ADAMTSL1: variants seen among roughly 807,000 people sequenced by gnomAD.
ADAMTSL1 encodes the protein ADAMTS like 1, also known as ADAMTS-like protein 1.
Under a neutral mutation model 201.8 loss-of-function variants are expected in ADAMTSL1, and 126 were observed. The observed-to-expected ratio is 0.62, with a 90% CI of 0.54 to 0.72. The LOEUF is 0.72. ADAMTSL1 is among the 30% of genes least tolerant of loss of function. ADAMTSL1 has a pLI of 0.00. For missense variants in ADAMTSL1, 2,679 were observed against 2,277.8 expected (o/e 1.18, Z -3.59); for synonymous variants, 1,121 against 903.4 (o/e 1.24, Z -4.32).
intron 14 of ADAMTSL1, among the ~76,000 whole-genome samples, chr9:18,719,734 G>A (rs781727201): frequency 3.9e-5 from 6 of 152,130 alleles, no homozygotes; most frequent in Non-Finnish European, 8.8e-5. Flanking sequence ...TTGGACTCCA[G>A]CTGAGTCACT....
intron 2 of ADAMTSL1, among the ~76,000 whole-genome samples, chr9:18,315,968 C>T (rs1834375839): frequency 6.6e-6 from 1 of 152,194 alleles, no homozygotes; most frequent in South Asian, 2.1e-4. Flanking sequence ...CCCTAAGCAT[C>T]AGCTGGCTTG....
intron 2 of ADAMTSL1, among the ~76,000 whole-genome samples, chr9:18,182,779 G>T (rs536170138): frequency 1.3e-5 from 2 of 152,266 alleles, no homozygotes; most frequent in Admixed American, 6.5e-5. Context: ...CCTTATCAAG[G>T]TTACATGCTT....
chr9:18,638,198 C>A (rs1032171498), intron 6 of ADAMTSL1, among the ~76,000 whole-genome samples: 13 of 152,058 alleles, frequency 8.5e-5, no homozygotes, highest in Non-Finnish European at 1.9e-4. Flanking sequence ...TTTAATTGAA[C>A]ACCAAGGTTT....
At chr9:18,292,980 A>G (rs1833333357) in intron 2 of ADAMTSL1, among the ~76,000 whole-genome samples, 1 of 152,206 alleles carries the variant, frequency 6.6e-6, no homozygotes, top group Non-Finnish European at 1.5e-5. Context: ...AGGGGCTCAA[A>G]TCCGGTCATG....
At chr9:18,624,495 A>T (rs965193446) in intron 5 of ADAMTSL1, among the ~76,000 whole-genome samples, 1 of 152,234 alleles carries the variant, frequency 6.6e-6, no homozygotes, top group African/African-American at 2.4e-5. Flanking sequence ...AGTGTTCATT[A>T]TCTAGGAATC....
chr9:18,679,279 A>G (rs1040292417), intron 10 of ADAMTSL1, among the ~76,000 whole-genome samples: 3 of 152,324 alleles, frequency 2.0e-5, no homozygotes, highest in East Asian at 1.9e-4. Context: ...CATTAAAATT[A>G]TATCTCTCAT....
At chr9:18,553,185 T>C (rs1160139386) in intron 3 of ADAMTSL1, among the ~76,000 whole-genome samples, 3 of 151,072 alleles carry the variant, frequency 2.0e-5, no homozygotes, top group Non-Finnish European at 4.4e-5. Context: ...TCTTTTCTTC[T>C]TGACTTCTTA....
At position 18,777,212 on chromosome 9, in the gene ADAMTSL1, C is replaced by G; in HGVS notation, c.2983C>G (p.His995Asp). 6.2e-7 allele frequency: 1 copy of G among 1,612,846 alleles called. No individual in the cohort carries two copies. The highest frequency in any genetic ancestry group is 8.5e-7 in the Non-Finnish European group (1 of 1,179,804). Residue 995 changes from histidine (H) to aspartate (D), a missense_variant, in exon 19 of 29, where the codon CAC (histidine) becomes GAC (aspartate). Transcript: ENST00000380548. ...CGGCCCGAAGGAGGCCCTGCAGACCCACAAACACCAGAACGGGATCTTCTC... is the reference window on the plus strand; with the variant it reads ...CGGCCCGAAGGAGGCCCTGCAGACCGACAAACACCAGAACGGGATCTTCTC... ...KGGPKEALQT[H>D]KHQNGIFSNG...
At chr9:18,579,827 T>A (rs1822983357) in intron 4 of ADAMTSL1, among the ~76,000 whole-genome samples, 1 of 152,248 alleles carries the variant, frequency 6.6e-6, no homozygotes, top group African/African-American at 2.4e-5. Flanking sequence ...CTGCTGTTAT[T>A]CATTTATTTT....
intron 7 of ADAMTSL1, among the ~76,000 whole-genome samples, chr9:18,652,728 C>G (rs1185547336): frequency 6.6e-6 from 1 of 152,176 alleles, no homozygotes; most frequent in African/African-American, 2.4e-5. Flanking sequence ...GCATTTTCAA[C>G]TTACAATATT....
intron 1 of ADAMTSL1, among the ~76,000 whole-genome samples, chr9:18,113,681 A>AT (rs985572302): frequency 6.6e-5 from 10 of 152,276 alleles, no homozygotes; most frequent in African/African-American, 2.4e-4. Flanking sequence ...ATGGGAGTTA[A>AT]TTTAAAAAAT....
At chr9:18,646,141 T>C (rs182633869) in intron 7 of ADAMTSL1, among the ~76,000 whole-genome samples, 1 of 151,654 alleles carries the variant, frequency 6.6e-6, no homozygotes, top group East Asian at 1.9e-4. Context: ...ATTTTATTCT[T>C]TTTGAAGCAA....
intron 2 of ADAMTSL1, among the ~76,000 whole-genome samples, chr9:18,209,180 G>C (rs1829769737): frequency 6.6e-6 from 1 of 152,044 alleles, no homozygotes. Context: ...TTTCTGAAAT[G>C]TTTGTTATAT....
At chr9:18,090,131 T>C (rs887987313) in intron 1 of ADAMTSL1, among the ~76,000 whole-genome samples, 19 of 152,166 alleles carry the variant, frequency 1.2e-4, no homozygotes, top group African/African-American at 4.3e-4. Flanking sequence ...TTGGCAAGAA[T>C]GTGAAGAAAT....
chr9:18,720,064 A>T (rs1262768230), intron 14 of ADAMTSL1, among the ~76,000 whole-genome samples: 1 of 152,222 alleles, frequency 6.6e-6, no homozygotes, highest in Non-Finnish European at 1.5e-5. Context: ...TGTATGTCTG[A>T]AGGCAAATTA....
At chr9:18,123,254 A>G (rs1825582170) in intron 1 of ADAMTSL1, among the ~76,000 whole-genome samples, 1 of 152,204 alleles carries the variant, frequency 6.6e-6, no homozygotes, top group African/African-American at 2.4e-5. Flanking sequence ...CATTTTATGC[A>G]TTTCAGTTTT....
chr9:18,091,909 G>A (rs533609706), intron 1 of ADAMTSL1, among the ~76,000 whole-genome samples: 2 of 152,154 alleles, frequency 1.3e-5, no homozygotes, highest in Non-Finnish European at 1.5e-5. Context: ...GAGGCTGCAA[G>A]GAAATCACAA....
chr9:18,447,941 T>C (rs1286411544), intron 2 of ADAMTSL1, among the ~76,000 whole-genome samples: 1 of 152,152 alleles, frequency 6.6e-6, no homozygotes, highest in Non-Finnish European at 1.5e-5. Context: ...GGTTTATGGG[T>C]TTCAGTCCAA....
chr9:17,963,903 T>G (rs879764601), intron 1 of ADAMTSL1, among the ~76,000 whole-genome samples: 2 of 152,200 alleles, frequency 1.3e-5, no homozygotes, highest in Non-Finnish European at 2.9e-5. Context: ...ATCGTCCTGC[T>G]GGCTCTCACT....
Sources: gnomAD v4.1 joint callset for allele counts (sites outside exome capture counted in the v4.1 genomes callset) on GRCh38, gnomAD v4.1.1 for gene constraint, MANE v1.5 for transcripts, NCBI Gene and HGNC (gene_info 2026-07-23, HGNC 2026-07-21) for gene names.